RAD51B: variants seen among roughly 807,000 people sequenced by gnomAD.
RAD51B encodes RAD51 paralog B, also known as DNA repair protein RAD51 homolog 2.
In RAD51B, 38 loss-of-function variants were observed where a neutral mutation model predicts 42.2. The observed-to-expected ratio is 0.90, with a 90% CI of 0.70 to 1.18. RAD51B has a LOEUF of 1.18. Among genes scored for constraint, RAD51B ranks in the 50% most tolerant of loss-of-function variants. RAD51B has a pLI of 0.00. For synonymous variants in RAD51B, 154 were observed against 145.2 expected, an observed-to-expected ratio of 1.06 and a Z score of -0.43; for missense variants, 373 against 400.7, an observed-to-expected ratio of 0.93 and a Z score of 0.59.
chr14:67,906,373 G>A (rs2043781687), intron 7 of RAD51B, among the ~76,000 whole-genome samples: 2 of 151,986 alleles, frequency 1.3e-5, no homozygotes, highest in Non-Finnish European at 2.9e-5. Flanking sequence ...TTGTGTCTCT[G>A]CCAAGTATTG....
At chr14:68,426,264 C>T (rs1360792350) in intron 9 of RAD51B, among the ~76,000 whole-genome samples, 2 of 147,172 alleles carry the variant, frequency 1.4e-5, no homozygotes, top group South Asian at 2.1e-4. Context: ...TTGGTAGAGA[C>T]GGGGTTTCTC....
chr14:67,916,007 A>G (rs770578582), intron 7 of RAD51B, among the ~76,000 whole-genome samples: 16 of 152,248 alleles, frequency 1.1e-4, no homozygotes, highest in Non-Finnish European at 1.9e-4. Flanking sequence ...CCTTGATAAG[A>G]TAATATATCA....
At chr14:68,395,258 T>C (rs1384678886) in intron 8 of RAD51B, among the ~76,000 whole-genome samples, 1 of 152,230 alleles carries the variant, frequency 6.6e-6, no homozygotes, top group Non-Finnish European at 1.5e-5. Flanking sequence ...AAGATAAGAT[T>C]TGCCCTTCCT....
At chr14:68,329,981 CAAA>C (rs57191974) in intron 8 of RAD51B, among the ~76,000 whole-genome samples, 1,913 of 113,822 alleles carry the variant, frequency 0.017, 20 homozygotes, top group Middle Eastern at 0.02. Context: ...GACTCTGTCT[CAAA>C]AAAAAAAAAA....
intron 10 of RAD51B, among the ~76,000 whole-genome samples, chr14:68,582,876 C>G (rs1890273740): frequency 6.6e-6 from 1 of 152,112 alleles, no homozygotes; most frequent in Non-Finnish European, 1.5e-5. Context: ...AGCTGGAAAC[C>G]ATTATTCTCA....
chr14:68,525,794 A>T (rs1203160869), intron 10 of RAD51B, among the ~76,000 whole-genome samples: 1 of 152,164 alleles, frequency 6.6e-6, no homozygotes, highest in Non-Finnish European at 1.5e-5. Context: ...GCCAGCCACA[A>T]CTTCAATGAG....
intron 4 of RAD51B, among the ~76,000 whole-genome samples, chr14:67,844,520 T>C (rs887069267): frequency 1.3e-5 from 2 of 151,574 alleles, no homozygotes; most frequent in Admixed American, 1.3e-4. Flanking sequence ...ACCTGGGTGC[T>C]CCTATGTTTG....
intron 4 of RAD51B, among the ~76,000 whole-genome samples, chr14:67,853,287 G>A (rs1263270060): frequency 6.6e-6 from 1 of 152,204 alleles, no homozygotes; most frequent in Middle Eastern, 3.2e-3. Flanking sequence ...AACCTTGTAA[G>A]ACCTTAAGCA....
chr14:68,504,965 C>G (rs1050284980), intron 10 of RAD51B, among the ~76,000 whole-genome samples: 1 of 152,162 alleles, frequency 6.6e-6, no homozygotes, highest in Non-Finnish European at 1.5e-5. Flanking sequence ...ACTCTTAGTG[C>G]CACACCAAAC....
At chr14:67,825,981 C>G (rs7154635) in intron 3 of RAD51B, among the ~76,000 whole-genome samples, 49,230 of 151,952 alleles carry the variant, frequency 0.32, 8,326 homozygotes, top group Middle Eastern at 0.45. Context: ...CTGCTTGCGT[C>G]GACCTCCCAA....
chr14:68,283,196 TAGAA>T (rs2081352631), intron 7 of RAD51B, among the ~76,000 whole-genome samples: 1 of 152,112 alleles, frequency 6.6e-6, no homozygotes, highest in South Asian at 2.1e-4. Context: ...TACACATGAA[TAGAA>T]AGCACCACAG....
At chr14:68,363,892 A>G (rs141503660) in intron 8 of RAD51B, among the ~76,000 whole-genome samples, 5 of 152,244 alleles carry the variant, frequency 3.3e-5, no homozygotes, top group African/African-American at 9.6e-5. Flanking sequence ...GATTGCAGAG[A>G]AGGGGCCACA....
intron 7 of RAD51B, among the ~76,000 whole-genome samples, chr14:68,046,270 C>T (rs2076298134): frequency 6.6e-6 from 1 of 152,148 alleles, no homozygotes; most frequent in South Asian, 2.1e-4. Context: ...ACTACATGCA[C>T]ATGCCACTCT....
intron 11 of RAD51B, chr14:68,683,040 C>T (rs569069180): frequency 3.3e-5 from 26 of 790,246 alleles, no homozygotes; most frequent in South Asian, 5.9e-5. Flanking sequence ...GTTGAGTAAT[C>T]GCCCAAAATA....
downstream of RAD51B, among the ~76,000 whole-genome samples, chr14:68,479,771 C>CA (rs1260223043): frequency 6.8e-6 from 1 of 146,562 alleles, no homozygotes; most frequent in Admixed American, 6.9e-5. Flanking sequence ...CAGGCTCAAG[C>CA]AATACTCCAA....
At chr14:68,083,961 GAA>G (rs2076949933) in intron 7 of RAD51B, among the ~76,000 whole-genome samples, 1 of 152,132 alleles carries the variant, frequency 6.6e-6, no homozygotes. Flanking sequence ...ACGTGAGAAA[GAA>G]ACAATCTTTT....
intron 11 of RAD51B, among the ~76,000 whole-genome samples, chr14:68,679,841 C>A (rs1244624667): frequency 1.3e-5 from 2 of 152,344 alleles, no homozygotes; most frequent in East Asian, 3.9e-4. Flanking sequence ...CTATAACGTT[C>A]TTTCTTCTGG....
At chr14:68,481,122 GT>G (rs891525580), downstream of RAD51B, among the ~76,000 whole-genome samples, 20 of 152,224 alleles carry the variant, frequency 1.3e-4, no homozygotes, top group African/African-American at 4.6e-4. Flanking sequence ...AAATGTATAT[GT>G]TTTTCTCTTG....
At chr14:68,512,229 G>A (rs1885782254) in intron 10 of RAD51B, among the ~76,000 whole-genome samples, 1 of 152,210 alleles carries the variant, frequency 6.6e-6, no homozygotes, top group Non-Finnish European at 1.5e-5. Flanking sequence ...TGGCCCAAAG[G>A]AATCTGGAAG....
Sources: allele counts gnomAD v4.1 joint callset (sites outside exome capture counted in the v4.1 genomes callset), GRCh38; gene constraint gnomAD v4.1.1; transcripts MANE v1.5; gene names NCBI Gene and HGNC (gene_info 2026-07-23, HGNC 2026-07-21).